CHD9: variants seen among roughly 807,000 people sequenced by gnomAD.
The protein encoded by CHD9 is chromodomain helicase DNA binding protein 9, also known as ATP-dependent chromatin remodeler CHD9.
CHD9 carries 77 observed loss-of-function variants against 316.1 expected under a neutral mutation model. The observed-to-expected ratio is 0.24, with a 90% CI of 0.20 to 0.29. The LOEUF is 0.29. Among genes scored for constraint, CHD9 ranks in the 10% least tolerant of loss-of-function variants. The pLI is 1.00. For missense variants in CHD9, 2,763 were observed against 3,438.1 expected (o/e 0.80, Z 4.91); for synonymous variants, 1,129 against 1,158.3 (o/e 0.97, Z 0.51).
chr16:53,197,532 A>T (rs1297777111), intron 2 of CHD9, among the ~76,000 whole-genome samples: 1 of 152,040 alleles, frequency 6.6e-6, no homozygotes, highest in Non-Finnish European at 1.5e-5. Context: ...GGAAGATAAG[A>T]TAACCTTATT....
chr16:53,128,442 A>G (rs896156244), intron 1 of CHD9, among the ~76,000 whole-genome samples: 5 of 151,988 alleles, frequency 3.3e-5, no homozygotes, highest in African/African-American at 1.2e-4. Flanking sequence ...TCAGCCTCCC[A>G]AAGTGCTGGG....
intron 18 of CHD9, 98 bp downstream of exon 18, chr16:53,254,703 C>A: frequency 9.4e-7 from 1 of 1,063,038 alleles, no homozygotes; most frequent in Non-Finnish European, 1.3e-6. Context: ...ATGCAGAATA[C>A]TAAACACATT....
intron 26 of CHD9, 109 bp downstream of exon 26, chr16:53,286,452 T>A: frequency 1.6e-6 from 1 of 627,824 alleles, no homozygotes. Context: ...GTAAGGGAAT[T>A]GGAGTTTACA....
At chr16:53,091,021 G>A (rs965229689) in intron 1 of CHD9, among the ~76,000 whole-genome samples, 8 of 151,252 alleles carry the variant, frequency 5.3e-5, no homozygotes, top group South Asian at 2.1e-4. Flanking sequence ...GACTGACCGC[G>A]GTGAGGCTCA....
At chr16:53,130,032 CTCT>C (rs2039150236) in intron 1 of CHD9, among the ~76,000 whole-genome samples, 1 of 152,190 alleles carries the variant, frequency 6.6e-6, no homozygotes, top group East Asian at 1.9e-4. Flanking sequence ...CTGTCTCTCT[CTCT>C]TCTTAAATTC....
At chr16:53,251,223 G>A (rs191775964) in intron 17 of CHD9, among the ~76,000 whole-genome samples, 4 of 152,180 alleles carry the variant, frequency 2.6e-5, no homozygotes, top group African/African-American at 9.6e-5. Context: ...GCCAGATTTG[G>A]TCCACAGGCT....
chr16:53,152,935 A>C (rs941597043), intron 1 of CHD9, among the ~76,000 whole-genome samples: 1 of 152,134 alleles, frequency 6.6e-6, no homozygotes, highest in Non-Finnish European at 1.5e-5. Flanking sequence ...CTGTAAAAAG[A>C]GAATGAGAAT....
At chr16:53,290,001 C>G (rs2054196434) in intron 27 of CHD9, among the ~76,000 whole-genome samples, 1 of 152,146 alleles carries the variant, frequency 6.6e-6, no homozygotes, top group Non-Finnish European at 1.5e-5. Flanking sequence ...TGACCAGGCA[C>G]AGTGGCTCAT....
At chr16:53,222,251 AT>A (rs1291923061) in intron 3 of CHD9, among the ~76,000 whole-genome samples, 2 of 151,740 alleles carry the variant, frequency 1.3e-5, no homozygotes, top group Non-Finnish European at 2.9e-5. Context: ...TAATTTTTGT[AT>A]TTTTAGTAGA....
chr16:53,063,555 C>T (rs754490289), intron 1 of CHD9, among the ~76,000 whole-genome samples: 27 of 151,720 alleles, frequency 1.8e-4, no homozygotes, highest in Non-Finnish European at 2.9e-4. Flanking sequence ...TTTTTTGAGA[C>T]AGAGTCTCGC....
In CHD9 at chr16:53,247,436, A is replaced by G; in HGVS notation, c.3598A>G (p.Lys1200Glu). The G allele has an allele frequency of 6.2e-7, 1 of 1,608,884 alleles. No individual in the cohort carries two copies. The highest frequency in any genetic ancestry group is 8.5e-7 in the Non-Finnish European group (1 of 1,177,248). The part of the protein sequence containing the change: ...LLPKMKAGGH[K>E]VLIFSQMVRC... ...TCCCAAAATGAAAGCCGGAGGTCATAAAGTGCTCATCTTCTCTCAAATGGT... is the reference window on the plus strand; with the variant it reads ...TCCCAAAATGAAAGCCGGAGGTCATGAAGTGCTCATCTTCTCTCAAATGGT... Residue 1200 changes from lysine (K) to glutamate (E), a missense_variant, in exon 16 of 39, where the codon AAA becomes GAA. Transcript: ENST00000447540.
chr16:53,172,089 T>G (rs1597276019), intron 2 of CHD9, among the ~76,000 whole-genome samples: 1 of 152,092 alleles, frequency 6.6e-6, no homozygotes, highest in Non-Finnish European at 1.5e-5. Flanking sequence ...ATTGGGTAAA[T>G]TTTGACATAT....
At chr16:53,229,230 A>G (rs2047955362) in intron 8 of CHD9, 130 bp downstream of exon 8, 1 of 506,336 alleles carries the variant, frequency 2.0e-6, no homozygotes, top group Non-Finnish European at 3.5e-6. Flanking sequence ...TGCTACCTAA[A>G]TATAGTATTT....
rs891582867 is a variant in CHD9 at position 53,324,644 on chromosome 16, C to A, written c.8443C>A (p.His2815Asn). ...GMLLTPGLNL[H>N]IPTLSQSNTF... ...GCTTCTCACTCCAGGCCTTAATCTT[C>A]ATATTCCAACTTTGTCCCAGTCCAA... Residue 2815 changes from histidine (H) to asparagine (N), a missense_variant, in exon 39 of 39, where the codon CAT becomes AAT. By Grantham distance (68) the His-to-Asn change is moderately conservative (BLOSUM62 1). Transcript: ENST00000447540. The A allele has an allele frequency of 6.2e-7, 1 of 1,613,658 alleles. No individual in the cohort carries two copies. Among genetic ancestry groups the A allele is most frequent in the Admixed American group, 1.7e-5 (1 of 59,954 alleles).
chr16:53,131,643 C>T (rs1288615728), intron 1 of CHD9, among the ~76,000 whole-genome samples: 2 of 151,982 alleles, frequency 1.3e-5, no homozygotes, highest in Non-Finnish European at 1.5e-5. Flanking sequence ...CCCCGTCCCG[C>T]GCGAGGTCGG....
In CHD9 at chr16:53,067,238, G is replaced by A. The variant is rs768993375; in HGVS notation, c.-165+12161G>A. On this transcript the variant is annotated intron_variant, in intron 1 of 38. Transcript: ENST00000447540. Reference sequence around the variant, plus strand: ...GATTACAGACATGAGCCACAGAGCCGGTCTATCCTGTTATTAACATCTTAT... The same window carrying A: ...GATTACAGACATGAGCCACAGAGCCAGTCTATCCTGTTATTAACATCTTAT... Among the ~76,000 whole-genome samples, 17 of 152,202 alleles carry A rather than the reference G, an allele frequency of 1.1e-4. 1 individual carries two copies. Among genetic ancestry groups the A allele is most frequent in the East Asian group, 7.7e-4 (4 of 5,180 alleles).
intron 2 of CHD9, among the ~76,000 whole-genome samples, chr16:53,182,906 A>G (rs921389922): frequency 1.3e-5 from 2 of 152,198 alleles, no homozygotes; most frequent in South Asian, 4.1e-4. Context: ...TTAAGTTTAT[A>G]TCATATATGT....
rs773494277 is a variant in CHD9, at chr16:53,307,838, C to T, written c.6938C>T (p.Pro2313Leu). 8.1e-6 allele frequency: 13 copies of T among 1,613,672 alleles called. No individual in the cohort carries two copies. The highest frequency in any genetic ancestry group is 1.1e-5 in the Non-Finnish European group (13 of 1,179,804). The change falls in exon 33 of 39, where the codon CCC becomes CTC. Residue 2313 changes from proline to leucine, a missense_variant. Pro to Leu is a moderately conservative substitution (Grantham distance 98, BLOSUM62 -3). Transcript: ENST00000447540. ...GGAGCAGCTACAGAATACAGCGATC[C>T]CAGTGTACCCACTCCCCCAGGTGCC... is the stretch of plus-strand genomic sequence containing the variant. ...SPGAATEYSD[P>L]SVPTPPGAGV...
At chr16:53,081,526 G>A (rs917256570) in intron 1 of CHD9, among the ~76,000 whole-genome samples, 14 of 152,160 alleles carry the variant, frequency 9.2e-5, no homozygotes, top group African/African-American at 2.2e-4. Context: ...ATGAGTAGGC[G>A]TGTCTTATTC....
Sources: allele counts gnomAD v4.1 joint callset (sites outside exome capture counted in the v4.1 genomes callset), GRCh38; gene constraint gnomAD v4.1.1; transcripts MANE v1.5; gene names NCBI Gene and HGNC (gene_info 2026-07-23, HGNC 2026-07-21).